The following PCDHA7 variants were observed in gnomAD, a reference collection of about 807,000 sequenced individuals.
PCDHA7 encodes protocadherin alpha 7.
A neutral mutation model predicts 57.2 loss-of-function variants in PCDHA7; 37 were observed. The ratio of observed to expected loss-of-function variants is 0.65; its 90% CI spans 0.50 to 0.85. The LOEUF (loss-of-function observed/expected upper bound fraction) is 0.85, where lower values mean the gene tolerates loss of function less well. PCDHA7 is among the 40% of genes least tolerant of loss of function. The pLI is 0.00. For synonymous variants in PCDHA7, 553 were observed against 558.8 expected (o/e 0.99, Z 0.15); for missense variants, 1,188 against 1,241.8 (o/e 0.96, Z 0.65).
intron 1 of PCDHA7, among the ~76,000 whole-genome samples, chr5:140,874,668 A>G (rs1424174427): frequency 6.6e-6 from 1 of 152,238 alleles, no homozygotes; most frequent in African/African-American, 2.4e-5. Context: ...TCCAGAATCT[A>G]TTCCTGAGAT....
intron 1 of PCDHA7, among the ~76,000 whole-genome samples, chr5:140,909,874 T>G (rs778631778): frequency 2.6e-4 from 39 of 152,184 alleles, no homozygotes; most frequent in Admixed American, 5.2e-4. Context: ...CAACGTCAGC[T>G]TAGAGACACT....
intron 1 of PCDHA7, among the ~76,000 whole-genome samples, chr5:140,905,589 G>T (rs1336272963): frequency 4.6e-5 from 7 of 152,084 alleles, no homozygotes; most frequent in African/African-American, 1.7e-4. Context: ...ATGATATTTT[G>T]CTGGGAATTG....
At chr5:140,875,130 C>T (rs2055283720) in intron 1 of PCDHA7, among the ~76,000 whole-genome samples, 1 of 151,894 alleles carries the variant, frequency 6.6e-6, no homozygotes, top group Admixed American at 6.6e-5. Context: ...TAACTAAACC[C>T]GCATTTATAA....
At chr5:140,964,634 T>C (rs2095845045) in intron 1 of PCDHA7, among the ~76,000 whole-genome samples, 1 of 151,918 alleles carries the variant, frequency 6.6e-6, no homozygotes, top group Non-Finnish European at 1.5e-5. Flanking sequence ...AGCCATTTAT[T>C]TTCAGAAACA....
At chr5:140,942,668 A>G (rs1047486718) in intron 1 of PCDHA7, among the ~76,000 whole-genome samples, 7 of 152,336 alleles carry the variant, frequency 4.6e-5, no homozygotes, top group Admixed American at 2.0e-4. Flanking sequence ...CAATAAGCAC[A>G]AAAGTTTTAG....
intron 1 of PCDHA7, among the ~76,000 whole-genome samples, chr5:140,916,951 G>A (rs1197063390): frequency 6.6e-6 from 1 of 152,210 alleles, no homozygotes; most frequent in Non-Finnish European, 1.5e-5. Context: ...GAGGCTTGCT[G>A]AGTTCTGACT....
chr5:140,881,555 A>G (rs2058748140), intron 1 of PCDHA7, among the ~76,000 whole-genome samples: 2 of 152,236 alleles, frequency 1.3e-5, no homozygotes, highest in South Asian at 2.1e-4. Context: ...TTGAATATAA[A>G]TATCTTATCT....
chr5:140,864,342 C>A (rs1374000781), intron 1 of PCDHA7: 2 of 152,062 alleles, frequency 1.3e-5, no homozygotes, highest in African/African-American at 4.8e-5. Context: ...GAGTTTAAAA[C>A]ATGTTTAAAT....
At chr5:140,922,181 A>G (rs2080696715) in intron 1 of PCDHA7, among the ~76,000 whole-genome samples, 1 of 152,324 alleles carries the variant, frequency 6.6e-6, no homozygotes, top group South Asian at 2.1e-4. Context: ...GCAGACAAAA[A>G]AAAAGTCTTA....
chr5:140,922,085 AT>A (rs1453055437), intron 1 of PCDHA7, among the ~76,000 whole-genome samples: 1 of 152,194 alleles, frequency 6.6e-6, no homozygotes, highest in Non-Finnish European at 1.5e-5. Context: ...AAAAAGTGGT[AT>A]TTCTACCAAC....
At chr5:140,996,082 T>A (rs782553216) in intron 3 of PCDHA7, among the ~76,000 whole-genome samples, 6 of 152,248 alleles carry the variant, frequency 3.9e-5, no homozygotes, top group Non-Finnish European at 7.3e-5. Context: ...AAGATGTTTT[T>A]GCTAGATTAC....
At chr5:140,913,181 T>C (rs2076246657) in intron 1 of PCDHA7, among the ~76,000 whole-genome samples, 1 of 152,208 alleles carries the variant, frequency 6.6e-6, no homozygotes, top group Admixed American at 6.5e-5. Flanking sequence ...TCTTTAAATG[T>C]TTGGTAGAAT....
intron 1 of PCDHA7, chr5:140,848,676 C>T: frequency 6.3e-7 from 1 of 1,592,292 alleles, no homozygotes; most frequent in South Asian, 1.1e-5. Flanking sequence ...GGAGCTGGTG[C>T]CGCGCCTGTT....
chr5:140,901,829 T>C (rs1449316816), intron 1 of PCDHA7, among the ~76,000 whole-genome samples: 1 of 152,230 alleles, frequency 6.6e-6, no homozygotes, highest in African/African-American at 2.4e-5. Flanking sequence ...TTCCAGTCCA[T>C]AAACATGCAA....
chr5:140,836,354 C>T lies in PCDHA7; in HGVS notation c.1971C>T (p.Pro657=). 2 of 1,613,672 alleles carry T rather than the reference C, an allele frequency of 1.2e-6. No individual in the cohort carries two copies. The highest frequency in any genetic ancestry group is 1.1e-5 in the South Asian group (1 of 91,072). ...LLVLVKDHGE[P]SLTATATVLV... ...TGCTTGTGAAGGACCACGGGGAGCC[C>T]TCGCTGACAGCCACAGCCACCGTGC... The change falls in exon 1 of 4, where the codon CCC becomes CCT. Residue 657 remains proline (P), a synonymous_variant. Transcript: ENST00000525929.
At chr5:140,947,769 A>T (rs2094173274) in intron 1 of PCDHA7, among the ~76,000 whole-genome samples, 1 of 151,626 alleles carries the variant, frequency 6.6e-6, no homozygotes, top group Non-Finnish European at 1.5e-5. Context: ...AAAAAATTCT[A>T]TTGTAAATGG....
chr5:141,000,103 G>T (rs551643743), intron 3 of PCDHA7, among the ~76,000 whole-genome samples: 2 of 152,068 alleles, frequency 1.3e-5, no homozygotes, highest in Non-Finnish European at 2.9e-5. Flanking sequence ...GCTCAACTCC[G>T]TCTCTTCCCT....
chr5:140,996,659 T>C (rs2097736809), intron 3 of PCDHA7, among the ~76,000 whole-genome samples: 1 of 152,230 alleles, frequency 6.6e-6, no homozygotes, highest in Non-Finnish European at 1.5e-5. Context: ...GGGTGCAGGC[T>C]AGTTTTTGAA....
intron 1 of PCDHA7, chr5:140,967,227 A>G (rs1586199202): frequency 1.2e-6 from 2 of 1,613,742 alleles, no homozygotes; most frequent in Admixed American, 1.7e-5. Flanking sequence ...CCCAACTACC[A>G]GCTTCAGGTA....
Sources: gnomAD v4.1 joint callset for allele counts (sites outside exome capture counted in the v4.1 genomes callset) on GRCh38, gnomAD v4.1.1 for gene constraint, MANE v1.5 for transcripts, NCBI Gene and HGNC (gene_info 2026-07-23, HGNC 2026-07-21) for gene names.